CNTN4: variants seen among roughly 807,000 people sequenced by gnomAD.
CNTN4 encodes the protein contactin-4.
CNTN4 carries 77 observed loss-of-function variants against 122.5 expected under a neutral mutation model. The ratio of observed to expected loss-of-function variants is 0.63; its 90% CI spans 0.52 to 0.76. The LOEUF is 0.76. CNTN4 is among the 30% of genes least tolerant of loss of function. The pLI is 0.00. For synonymous variants in CNTN4, 512 were observed against 447.0 expected, an observed-to-expected ratio of 1.15 and a Z score of -1.83; for missense variants, 1,256 against 1,259.1, an observed-to-expected ratio of 1.00 and a Z score of 0.04.
intron 4 of CNTN4, among the ~76,000 whole-genome samples, chr3:2,625,230 C>T (rs2082137871): frequency 6.6e-6 from 1 of 152,140 alleles, no homozygotes; most frequent in African/African-American, 2.4e-5. Context: ...AAAATCCATG[C>T]ACACCTCCCA....
At chr3:2,352,880 G>T (rs1019050740) in intron 3 of CNTN4, among the ~76,000 whole-genome samples, 1 of 152,208 alleles carries the variant, frequency 6.6e-6, no homozygotes, top group South Asian at 2.1e-4. Context: ...CTGGAGGATT[G>T]TATATGCACC....
At chr3:2,246,798 T>C (rs1559376333) in intron 2 of CNTN4, among the ~76,000 whole-genome samples, 1 of 151,946 alleles carries the variant, frequency 6.6e-6, no homozygotes, top group Non-Finnish European at 1.5e-5. Context: ...TGATGGGGCA[T>C]TCAGAGGTGG....
chr3:3,043,459 T>C, intron 22 of CNTN4, 133 bp from the exon 23 acceptor site: 1 of 759,178 alleles, frequency 1.3e-6, no homozygotes, highest in Non-Finnish European at 2.3e-6. Context: ...CAGATTTTAG[T>C]GACCTTGAAG....
chr3:2,969,857 G>A (rs1692718943), intron 13 of CNTN4, among the ~76,000 whole-genome samples: 1 of 152,106 alleles, frequency 6.6e-6, no homozygotes, highest in Admixed American at 6.5e-5. Flanking sequence ...GGAGCATGAT[G>A]GTCAGAGAGC....
At chr3:2,239,677 C>A (rs1400607326) in intron 2 of CNTN4, among the ~76,000 whole-genome samples, 1 of 152,114 alleles carries the variant, frequency 6.6e-6, no homozygotes, top group Non-Finnish European at 1.5e-5. Context: ...ATTGGTAAGA[C>A]TGCAATAGCA....
intron 6 of CNTN4, among the ~76,000 whole-genome samples, chr3:2,779,811 G>A (rs1193506655): frequency 1.3e-5 from 2 of 152,208 alleles, no homozygotes; most frequent in Non-Finnish European, 2.9e-5. Flanking sequence ...GTCCTAAAAT[G>A]AGGGGGAAAA....
chr3:2,950,132 G>C (rs910842011), intron 13 of CNTN4, among the ~76,000 whole-genome samples: 1 of 152,236 alleles, frequency 6.6e-6, no homozygotes, highest in Non-Finnish European at 1.5e-5. Flanking sequence ...GACTTGCAGA[G>C]ACTCATGGAA....
intron 13 of CNTN4, among the ~76,000 whole-genome samples, chr3:2,945,676 A>G (rs1455230424): frequency 6.6e-6 from 1 of 152,186 alleles, no homozygotes; most frequent in Non-Finnish European, 1.5e-5. Context: ...TCGACATCAG[A>G]TCAATAAAAC....
intron 12 of CNTN4, among the ~76,000 whole-genome samples, chr3:2,925,323 A>G (rs1287629642): frequency 6.6e-6 from 1 of 152,198 alleles, no homozygotes; most frequent in Non-Finnish European, 1.5e-5. Flanking sequence ...TGGGAGGCTG[A>G]GGCGGGCGGA....
intron 6 of CNTN4, among the ~76,000 whole-genome samples, chr3:2,786,070 G>C (rs2091811814): frequency 6.6e-6 from 1 of 152,002 alleles, no homozygotes; most frequent in African/African-American, 2.4e-5. Flanking sequence ...AGAGGAGTTT[G>C]TCAGCCGAAC....
chr3:2,156,371 G>T (rs1235389800), intron 2 of CNTN4, among the ~76,000 whole-genome samples: 2 of 152,118 alleles, frequency 1.3e-5, no homozygotes, highest in African/African-American at 2.4e-5. Context: ...GCATAAACCT[G>T]TATACAGCAG....
intron 13 of CNTN4, among the ~76,000 whole-genome samples, chr3:2,944,634 T>A (rs1313954084): frequency 6.6e-6 from 1 of 152,204 alleles, no homozygotes; most frequent in African/African-American, 2.4e-5. Flanking sequence ...AAATTTCAAA[T>A]GATAGCCTCT....
chr3:2,349,727 C>T (rs2044536204), intron 3 of CNTN4, among the ~76,000 whole-genome samples: 1 of 152,094 alleles, frequency 6.6e-6, no homozygotes, highest in Non-Finnish European at 1.5e-5. Flanking sequence ...TTTGCAAACA[C>T]GTGGACTCAG....
chr3:2,715,575 C>T (rs570964501), intron 4 of CNTN4, among the ~76,000 whole-genome samples: 7 of 152,288 alleles, frequency 4.6e-5, no homozygotes, highest in African/African-American at 1.7e-4. Context: ...CTGTCTTAGT[C>T]AGTTAGAGCT....
intron 4 of CNTN4, among the ~76,000 whole-genome samples, chr3:2,718,873 G>T (rs1046182754): frequency 1.3e-5 from 2 of 152,180 alleles, no homozygotes; most frequent in African/African-American, 4.8e-5. Context: ...TATGCAAAAT[G>T]ATGGGCCCAA....
intron 2 of CNTN4, among the ~76,000 whole-genome samples, chr3:2,134,043 C>A (rs2034572657): frequency 6.6e-6 from 1 of 152,054 alleles, no homozygotes; most frequent in Non-Finnish European, 1.5e-5. Flanking sequence ...TCTGAAAAAA[C>A]CAGCCCATTT....
intron 4 of CNTN4, among the ~76,000 whole-genome samples, chr3:2,715,694 T>C (rs1467828326): frequency 6.6e-6 from 1 of 152,186 alleles, no homozygotes; most frequent in Non-Finnish European, 1.5e-5. Context: ...ACTTCCTTTC[T>C]GGTGAGGGCT....
In CNTN4 at chr3:2,601,933, T is replaced by G. The variant is rs2081063959; in HGVS notation, c.55+30375T>G. Among the ~76,000 whole-genome samples the G allele has an allele frequency of 2.0e-5, 3 of 152,088 alleles. No individual in the cohort carries two copies. The South Asian group carries it at 6.3e-4, about 32-fold the overall frequency. On this transcript the variant is annotated intron_variant, in intron 4 of 24. Coordinates refer to ENST00000418658, the MANE Select transcript of CNTN4 (RefSeq NM_175607.3). ...TTCATCCCTGGGATGCAAGGCTGAT[T>G]CAACATACGCAAATCAATAAACGTA...
chr3:2,598,322 T>C (rs941943431), intron 4 of CNTN4, among the ~76,000 whole-genome samples: 1 of 152,188 alleles, frequency 6.6e-6, no homozygotes, highest in East Asian at 1.9e-4. Context: ...TACAATTGCA[T>C]ACTCTTAATC....
Sources: allele counts gnomAD v4.1 joint callset (sites outside exome capture counted in the v4.1 genomes callset), GRCh38; gene constraint gnomAD v4.1.1; transcripts MANE v1.5; gene names NCBI Gene and HGNC (gene_info 2026-07-23, HGNC 2026-07-21).